The following SPRYD3 variants were observed in gnomAD, a reference collection of about 807,000 sequenced individuals.
The protein encoded by SPRYD3 is SPRY domain containing 3.
In SPRYD3, 17 loss-of-function variants were observed where a neutral mutation model predicts 50.1. The observed-to-expected ratio is 0.34, with a 90% CI of 0.23 to 0.51. The LOEUF (loss-of-function observed/expected upper bound fraction) is 0.51. Among genes scored for constraint, SPRYD3 ranks in the 20% least tolerant of loss-of-function variants. The pLI, the probability that SPRYD3 is intolerant of heterozygous loss-of-function variation, is 0.97. For missense variants in SPRYD3, 401 were observed against 591.2 expected (o/e 0.68, Z 3.34); for synonymous variants, 198 against 215.5 (o/e 0.92, Z 0.71).
chr12:53,073,121 T>A (rs533544626), intron 6 of SPRYD3, 165 bp downstream of exon 6: 1 of 538,752 alleles, frequency 1.9e-6, no homozygotes, highest in African/African-American at 1.9e-5. Context: ...AACACAGATC[T>A]GGACTCAAGG....
chr12:53,073,256 G>GCCCCCGGGGGGGCCC, intron 6 of SPRYD3, 30 bp downstream of exon 6: 1 of 424,132 alleles, frequency 2.4e-6, no homozygotes, highest in Non-Finnish European at 4.4e-6. Context: ...CTCCGACCCA[G>GCCCCCGGGGGGGCCC]CCCCTCCCAC....
In SPRYD3 at chr12:53,074,526, G is replaced by A; in HGVS notation, c.507+123C>T. 1 of 1,155,006 alleles carries A rather than the reference G, an allele frequency of 8.7e-7. No individual in the cohort carries two copies. The highest frequency in any genetic ancestry group is 1.3e-6 in the Non-Finnish European group (1 of 785,456). 71.5% of individuals were successfully genotyped at this position (1,155,006 alleles called of 1,614,324 possible). The stretch of plus-strand genomic sequence containing the variant: ...AGGAGAATCTGAGGCTGGACTGGAG[G>A]AGATGGGAACTCAGTGCAAGGGTCC... On this transcript the variant is annotated intron_variant, in intron 5 of 10. Transcript: ENST00000301463. The surrounding 1 kb of genome is among the most constrained non-coding windows in gnomAD (Gnocchi z 4.6).
intron 8 of SPRYD3, 66 bp downstream of exon 8, chr12:53,067,582 A>C (rs1944518897): frequency 6.7e-7 from 1 of 1,492,768 alleles, no homozygotes; most frequent in Non-Finnish European, 9.3e-7. Context: ...GGAGAGGGGA[A>C]AGTGGATGTC....
chr12:53,073,256 G>GCCCCCGGGGGGGGGCCCC, intron 6 of SPRYD3, 30 bp downstream of exon 6: 3 of 424,134 alleles, frequency 7.1e-6, no homozygotes, highest in Non-Finnish European at 8.8e-6. Flanking sequence ...CTCCGACCCA[G>GCCCCCGGGGGGGGGCCCC]CCCCTCCCAC....
chr12:53,070,388 T>A (rs1944540969), intron 6 of SPRYD3, among the ~76,000 whole-genome samples: 4 of 152,146 alleles, frequency 2.6e-5, no homozygotes, highest in Admixed American at 2.6e-4. Flanking sequence ...CTTGAGTACA[T>A]TCCTCTGCCT....
At position 53,075,822 on chromosome 12, in the gene SPRYD3, A is replaced by T. The variant is rs766827360; in HGVS notation, c.171-11T>A. ...GAGTTTCCATGATAACTGAAGGAGG[A>T]ATGAGGGGGGAATTCCATTAGCAGC... On this transcript the variant is annotated splice_polypyrimidine_tract_variant and intron_variant, in intron 2 of 10. Transcript: ENST00000301463. 1.2e-6 allele frequency: 2 copies of T among 1,612,406 alleles called. No homozygotes were observed. The highest frequency in any genetic ancestry group is 4.5e-5 in the East Asian group (2 of 44,872).
Position 53,065,672 on chromosome 12 carries a change from G to T in SPRYD3, c.*160C>A. The stretch of plus-strand genomic sequence containing the variant: ...GTGGCAGCACCAGGTCAGAAACGTG[G>T]GCACAGAGAAGCGTGACAGGGGCCT... On this transcript the variant is annotated 3_prime_UTR_variant, in exon 11 of 11. Coordinates refer to ENST00000301463, the MANE Select transcript of SPRYD3 (RefSeq NM_032840.3). The T allele has an allele frequency of 2.7e-6, 2 of 734,036 alleles. No homozygotes were observed. Among genetic ancestry groups the T allele is most frequent in the Non-Finnish European group, 2.3e-6 (1 of 435,936 alleles). 45.5% of individuals were successfully genotyped at this position (734,036 alleles called of 1,614,324 possible).
Position 53,075,789 on chromosome 12 carries a change from C to G in SPRYD3, c.193G>C (p.Val65Leu). The G allele has an allele frequency of 6.2e-7, 1 of 1,614,092 alleles. No homozygotes were observed. The highest frequency in any genetic ancestry group is 8.5e-7 in the Non-Finnish European group (1 of 1,179,990). The change falls in exon 3 of 11, where the codon GTT becomes CTT. Residue 65 changes from valine to leucine, a missense_variant. Transcript: ENST00000301463. ...GGTCGAGAAGCCACGTAGCAGCCAA[C>G]TTCACCAGAGTTTCCATGATAACTG... Reference protein sequence around the residue: ...TLSYHGNSGEVGCYVASRPLT... With the variant: ...TLSYHGNSGELGCYVASRPLT...
intron 2 of SPRYD3, among the ~76,000 whole-genome samples, chr12:53,076,264 T>C (rs1343706310): frequency 6.6e-6 from 1 of 152,228 alleles, no homozygotes; most frequent in East Asian, 1.9e-4. Flanking sequence ...TCAGCTTTCT[T>C]GCCTCTAGTT....
At chr12:53,068,035 T>A (rs1944522669) in intron 7 of SPRYD3, 120 bp downstream of exon 7, 8 of 1,165,770 alleles carry the variant, frequency 6.9e-6, no homozygotes, top group Non-Finnish European at 9.9e-6. Context: ...CATCTCAGCT[T>A]AGCACCCTCC....
At chr12:53,072,764 T>C (rs1052346921) in intron 6 of SPRYD3, among the ~76,000 whole-genome samples, 1 of 152,236 alleles carries the variant, frequency 6.6e-6, no homozygotes, top group Non-Finnish European at 1.5e-5. Flanking sequence ...GGATGCTCAC[T>C]GAATCTTTAT....
chr12:53,066,368 T>TTCCTCTTCC lies in SPRYD3; in HGVS notation c.1131_1139dup (p.Glu381_Glu383dup), dbSNP rs2055681099. 4 of 1,613,628 alleles carry TTCCTCTTCC rather than the reference T, an allele frequency of 2.5e-6. No homozygotes were observed. The highest frequency in any genetic ancestry group is 1.1e-5 in the South Asian group (1 of 91,022). ...CTATCTCTTCCCCATCCTCTTCCTC[T>TTCCTCTTCC]TCCTCTTCCTCCTCTTCCTCTTCCC... On this transcript the variant is annotated inframe_insertion, in exon 10 of 11. Transcript: ENST00000301463.
intron 10 of SPRYD3, 40 bp downstream of exon 10, chr12:53,066,274 C>A (rs752873642): frequency 6.2e-6 from 10 of 1,600,230 alleles, no homozygotes; most frequent in Non-Finnish European, 8.5e-6. Flanking sequence ...TTTGCCCAGA[C>A]CCAAAAACCC....
At position 53,074,904 on chromosome 12, in the gene SPRYD3, C is replaced by T; in HGVS notation, c.372-120G>A. ...CCTGGTCATTCTGTGATGGTACCCA[C>T]TTACGTCCTGGCGTGAGCATCACCC... On this transcript the variant is annotated intron_variant, in intron 4 of 10. Transcript: ENST00000301463. This position sits in a 1 kb window ranked among gnomAD's most constrained non-coding sequence, Gnocchi z 4.6. 1 of 1,410,370 alleles carries T rather than the reference C, an allele frequency of 7.1e-7. No homozygotes were observed. 87.4% of individuals were successfully genotyped at this position (1,410,370 alleles called of 1,614,324 possible). A position where few individuals can be genotyped will look rare whatever the true frequency, so the allele number is the denominator to read the frequency against.
chr12:53,068,499 AG>A (rs1295333429), intron 6 of SPRYD3, among the ~76,000 whole-genome samples, 195 bp from the exon 7 acceptor site: 2 of 152,182 alleles, frequency 1.3e-5, no homozygotes, highest in Non-Finnish European at 2.9e-5. Flanking sequence ...TGGGAGGCAA[AG>A]GGGAGAGCAC....
intron 1 of SPRYD3, chr12:53,078,144 A>C (rs1163256670): frequency 4.4e-6 from 2 of 450,924 alleles, no homozygotes; most frequent in African/African-American, 4.0e-5. Flanking sequence ...GTGCCACTAC[A>C]TTCCAGCCTG....
Position 53,065,595 on chromosome 12 carries a change from C to T in SPRYD3, c.*237G>A. 3 of 503,422 alleles carry T rather than the reference C, an allele frequency of 6.0e-6. No individual in the cohort carries two copies. The highest frequency in any genetic ancestry group is 7.2e-6 in the Non-Finnish European group (2 of 278,994). The allele number at this position is 503,422 out of a possible 1,614,324, so 31.2% of individuals were successfully genotyped here. On this transcript the variant is annotated 3_prime_UTR_variant, in exon 11 of 11. Coordinates refer to ENST00000301463, the MANE Select transcript of SPRYD3 (RefSeq NM_032840.3). ...GGACCACCCACATACCAACACCATT[C>T]TTTGGGTCCATTCCTGTCCAACCAG...
chr12:53,067,871 G>A (rs565213431), intron 7 of SPRYD3, among the ~76,000 whole-genome samples, 166 bp from the exon 8 acceptor site: 21 of 152,278 alleles, frequency 1.4e-4, no homozygotes, highest in African/African-American at 5.1e-4. Flanking sequence ...CAGGGAGGGT[G>A]AGGAAAGTGT....
intron 6 of SPRYD3, among the ~76,000 whole-genome samples, chr12:53,069,169 T>C (rs1417504397): frequency 2.6e-5 from 4 of 152,058 alleles, no homozygotes; most frequent in Non-Finnish European, 5.9e-5. Context: ...GTCATGGTAA[T>C]AGTGGGGTGA....
Sources: gnomAD v4.1 joint callset for allele counts (sites outside exome capture counted in the v4.1 genomes callset) on GRCh38, gnomAD v4.1.1 for gene constraint, Gnocchi (gnomAD v3.1) non-coding constraint, MANE v1.5 for transcripts, NCBI Gene and HGNC (gene_info 2026-07-23, HGNC 2026-07-21) for gene names.